TCF12: variants seen among roughly 807,000 people sequenced by gnomAD.
The protein encoded by TCF12 is DNA-binding protein HTF4.
Under a neutral mutation model 86.0 loss-of-function variants are expected in TCF12, and 45 were observed. The ratio of observed to expected loss-of-function variants is 0.52; its 90% CI spans 0.41 to 0.67. TCF12 has a LOEUF of 0.67. Ranked by LOEUF, TCF12 falls within the 30% of genes least tolerant of loss-of-function variation. The pLI is 0.00. For synonymous variants in TCF12, 330 were observed against 299.6 expected (o/e 1.10, Z -1.05); for missense variants, 881 against 859.9 (o/e 1.02, Z -0.31).
intron 12 of TCF12, among the ~76,000 whole-genome samples, chr15:57,242,835 T>C (rs1421835834): frequency 6.6e-6 from 1 of 152,232 alleles, no homozygotes; most frequent in Non-Finnish European, 1.5e-5. Context: ...TATTAGGATT[T>C]GAAGTCCACA....
At chr15:57,237,219 C>A (rs1403323825) in intron 12 of TCF12, among the ~76,000 whole-genome samples, 1 of 151,608 alleles carries the variant, frequency 6.6e-6, no homozygotes, top group African/African-American at 2.4e-5. Flanking sequence ...TAGTCTCTAA[C>A]AAAAGAAAAG....
At chr15:57,106,735 G>A (rs1758412894) in intron 5 of TCF12, among the ~76,000 whole-genome samples, 2 of 152,178 alleles carry the variant, frequency 1.3e-5, no homozygotes, top group Admixed American at 6.5e-5. Flanking sequence ...TAGAAAACTT[G>A]CACTGGGTTA....
At chr15:56,962,318 T>C (rs1042479427) in intron 3 of TCF12, among the ~76,000 whole-genome samples, 1 of 152,222 alleles carries the variant, frequency 6.6e-6, no homozygotes, top group East Asian at 1.9e-4. Flanking sequence ...TTGTCAGTGC[T>C]GCTTAGCAGA....
At position 57,286,447 on chromosome 15, in the gene TCF12, C is replaced by T. The variant is rs1343297748; in HGVS notation, c.*302C>T. The T allele has an allele frequency of 2.8e-6, 1 of 352,218 alleles. No homozygotes were observed. The highest frequency in any genetic ancestry group is 5.6e-6 in the Non-Finnish European group (1 of 178,256). The allele number at this position is 352,218 out of a possible 1,614,324, so 21.8% of individuals were successfully genotyped here. A position where few individuals can be genotyped will look rare whatever the true frequency, so the allele number is the denominator to read the frequency against. On this transcript the variant is annotated 3_prime_UTR_variant, in exon 21 of 21. Coordinates refer to ENST00000333725, the MANE Select transcript of TCF12 (RefSeq NM_207037.2). ...CAATCAGAGACTGTCTCGATCTCTC[C>T]ACTCACCGTGGAAGTTGCCTTGTGC...
At chr15:57,181,317 G>A (rs576013323) in intron 6 of TCF12, among the ~76,000 whole-genome samples, 28 of 151,180 alleles carry the variant, frequency 1.9e-4, no homozygotes, top group Non-Finnish European at 2.8e-4. Flanking sequence ...CTCAAACTCC[G>A]AGGCTTAAGC....
At chr15:56,968,431 G>A (rs1157934176) in intron 3 of TCF12, among the ~76,000 whole-genome samples, 2 of 151,206 alleles carry the variant, frequency 1.3e-5, no homozygotes, top group Non-Finnish European at 1.5e-5. Flanking sequence ...ACTGTTCACA[G>A]GTACAGTAAT....
At chr15:57,083,308 A>G (rs1391611444) in intron 4 of TCF12, among the ~76,000 whole-genome samples, 1 of 152,160 alleles carries the variant, frequency 6.6e-6, no homozygotes, top group African/African-American at 2.4e-5. Flanking sequence ...AAAAATTGAA[A>G]GAAAATGTGT....
At chr15:57,247,756 G>T in intron 13 of TCF12, 1 of 738,348 alleles carries the variant, frequency 1.4e-6, no homozygotes, top group Admixed American at 1.8e-5. Flanking sequence ...TGTCAGCCTT[G>T]TGTGGTCTAG....
At chr15:57,232,910 C>T in intron 11 of TCF12, 54 bp downstream of exon 11, 1 of 1,360,858 alleles carries the variant, frequency 7.3e-7, no homozygotes, top group South Asian at 1.7e-5. Flanking sequence ...TTTCAGTGAC[C>T]CCGATATCTT....
chr15:57,115,377 A>G (rs1567452226), intron 5 of TCF12, among the ~76,000 whole-genome samples: 1 of 152,232 alleles, frequency 6.6e-6, no homozygotes, highest in Non-Finnish European at 1.5e-5. Flanking sequence ...TCAACATCAA[A>G]ATATACATTC....
At chr15:56,966,969 A>G (rs2062033350) in intron 3 of TCF12, among the ~76,000 whole-genome samples, 1 of 152,162 alleles carries the variant, frequency 6.6e-6, no homozygotes, top group African/African-American at 2.4e-5. Flanking sequence ...CTAAAATACA[A>G]AAATTAGCCA....
At chr15:57,014,840 AGGTATAAT>A (rs1301430691) in intron 3 of TCF12, among the ~76,000 whole-genome samples, 3 of 150,732 alleles carry the variant, frequency 2.0e-5, no homozygotes, top group Non-Finnish European at 4.4e-5. Flanking sequence ...GGGGGTGGGG[AGGTATAAT>A]GGTTCTCTGG....
chr15:57,063,708 A>T (rs768651704), intron 3 of TCF12, 42 bp from the exon 4 acceptor site: 1 of 1,551,212 alleles, frequency 6.4e-7, no homozygotes, highest in Non-Finnish European at 8.8e-7. Flanking sequence ...AATCCACAAA[A>T]GTATGTTTTT....
At chr15:56,921,265 C>T (rs2059778760) in intron 3 of TCF12, among the ~76,000 whole-genome samples, 167 bp downstream of exon 3, 2 of 151,936 alleles carry the variant, frequency 1.3e-5, no homozygotes, top group Non-Finnish European at 2.9e-5. Flanking sequence ...GATGACAGTT[C>T]CCTCAGAAAT....
intron 3 of TCF12, among the ~76,000 whole-genome samples, chr15:56,968,325 C>T (rs1221572470): frequency 6.6e-6 from 1 of 150,910 alleles, no homozygotes; most frequent in Non-Finnish European, 1.5e-5. Context: ...AGCTGGCTCT[C>T]ATTATTTTCC....
chr15:57,027,213 C>G lies in TCF12; in HGVS notation c.149-36537C>G, dbSNP rs147544844. Among the ~76,000 whole-genome samples the G allele has an allele frequency of 2.3e-3, 347 of 152,272 alleles. 3 individuals carry two copies. The highest frequency in any genetic ancestry group is 7.7e-3 in the African/African-American group (321 of 41,554). On this transcript the variant is annotated intron_variant, in intron 3 of 20. Coordinates refer to ENST00000333725, the MANE Select transcript of TCF12 (RefSeq NM_207037.2). ...TGTCCATCACTCCAGAAAGTACCCC[C>G]TTTCAGTTAGTTTTCTTCAACACCT...
intron 5 of TCF12, among the ~76,000 whole-genome samples, chr15:57,152,873 C>T (rs1447847614): frequency 6.6e-6 from 1 of 151,596 alleles, no homozygotes; most frequent in East Asian, 1.9e-4. Flanking sequence ...CACACACACA[C>T]CACACATATT....
intron 8 of TCF12, among the ~76,000 whole-genome samples, chr15:57,199,995 C>T (rs149757377): frequency 1.3e-5 from 2 of 151,800 alleles, no homozygotes; most frequent in Non-Finnish European, 1.5e-5. Context: ...GACCCTTCCA[C>T]CTCATCCTCC....
intron 3 of TCF12, among the ~76,000 whole-genome samples, chr15:57,003,762 C>T (rs946198410): frequency 2.6e-5 from 4 of 152,158 alleles, no homozygotes; most frequent in Admixed American, 2.6e-4. Flanking sequence ...TATATTGAAT[C>T]CGTGAATAAT....
Sources: allele counts gnomAD v4.1 joint callset (sites outside exome capture counted in the v4.1 genomes callset), GRCh38; gene constraint gnomAD v4.1.1; transcripts MANE v1.5; gene names NCBI Gene and HGNC (gene_info 2026-07-23, HGNC 2026-07-21).